TMTC2: variants seen among roughly 807,000 people sequenced by gnomAD.
TMTC2 encodes the protein transmembrane O-mannosyltransferase targeting cadherins 2.
TMTC2 carries 43 observed loss-of-function variants against 82.4 expected under a neutral mutation model. That is an observed-to-expected ratio of 0.52 (90% CI 0.41 to 0.67). TMTC2 has a LOEUF of 0.67. TMTC2 is among the 30% of genes least tolerant of loss of function. TMTC2 has a pLI of 0.00. For synonymous variants in TMTC2, 408 were observed against 381.9 expected (o/e 1.07, Z -0.80); for missense variants, 919 against 1,012.4 (o/e 0.91, Z 1.25).
intron 9 of TMTC2, among the ~76,000 whole-genome samples, chr12:83,040,575 A>G (rs1881849590): frequency 1.4e-5 from 2 of 146,044 alleles, no homozygotes; most frequent in African/African-American, 2.6e-5. Flanking sequence ...CTCAAAACCA[A>G]AGAATCAAGA....
At chr12:82,779,099 C>A (rs1877760571) in intron 1 of TMTC2, among the ~76,000 whole-genome samples, 1 of 150,688 alleles carries the variant, frequency 6.6e-6, no homozygotes, top group Non-Finnish European at 1.5e-5. Flanking sequence ...GCTCTCTGGG[C>A]AAACAATAGT....
At chr12:83,035,215 A>G (rs765490373) in intron 9 of TMTC2, among the ~76,000 whole-genome samples, 1 of 152,224 alleles carries the variant, frequency 6.6e-6, no homozygotes, top group Non-Finnish European at 1.5e-5. Context: ...AATGGTGATT[A>G]GAAGGCAATA....
intron 8 of TMTC2, among the ~76,000 whole-genome samples, chr12:83,028,068 G>A (rs534857519): frequency 6.6e-6 from 1 of 151,806 alleles, no homozygotes; most frequent in Non-Finnish European, 1.5e-5. Context: ...CAAATTCTTT[G>A]TATATTGCTT....
chr12:83,069,020 AC>A (rs1176736918), intron 11 of TMTC2, among the ~76,000 whole-genome samples: 1 of 152,108 alleles, frequency 6.6e-6, no homozygotes, highest in African/African-American at 2.4e-5. Context: ...CATCCAAGTC[AC>A]CGCAAATGCT....
At chr12:82,818,996 A>G (rs1681124254) in intron 1 of TMTC2, among the ~76,000 whole-genome samples, 1 of 152,016 alleles carries the variant, frequency 6.6e-6, no homozygotes, top group Non-Finnish European at 1.5e-5. Context: ...GACTACATTT[A>G]CAGTAGGTAC....
intron 8 of TMTC2, among the ~76,000 whole-genome samples, chr12:83,029,479 T>C (rs1259340581): frequency 1.3e-5 from 2 of 152,116 alleles, no homozygotes; most frequent in Non-Finnish European, 2.9e-5. Flanking sequence ...CTTTAGAAAA[T>C]TGGTCTTCAT....
intron 7 of TMTC2, among the ~76,000 whole-genome samples, chr12:82,971,364 T>G (rs1264069955): frequency 6.6e-6 from 1 of 152,132 alleles, no homozygotes; most frequent in Non-Finnish European, 1.5e-5. Context: ...CTATAAAGAA[T>G]GAAACAGCTG....
chr12:82,741,551 A>G (rs1463350058), intron 1 of TMTC2, among the ~76,000 whole-genome samples: 1 of 152,128 alleles, frequency 6.6e-6, no homozygotes, highest in Non-Finnish European at 1.5e-5. Flanking sequence ...CCTCATGATC[A>G]GCCCACCTTA....
chr12:82,792,782 C>T (rs371342945), intron 1 of TMTC2, among the ~76,000 whole-genome samples: 216 of 152,080 alleles, frequency 1.4e-3, no homozygotes, highest in African/African-American at 5.0e-3. Context: ...CTCGATGTTA[C>T]TTTACATTTT....
rs139737872 is a variant in TMTC2 at position 83,081,866 on chromosome 12, CTGT to C, written c.2331+20040_2331+20042del. On this transcript the variant is annotated intron_variant, in intron 11 of 11. Transcript: ENST00000321196. ...CCATCCTGGGCAATGTAACAAGACC[CTGT>C]TGTTACAAAAAATAAAAAAAATAGC... 5.9e-3 allele frequency among the ~76,000 whole-genome samples: 897 copies of C among 152,038 alleles called. 12 individuals carry two copies. The highest frequency in any genetic ancestry group is 0.021 in the African/African-American group (864 of 41,472).
At chr12:82,773,530 G>A (rs1186964261) in intron 1 of TMTC2, among the ~76,000 whole-genome samples, 3 of 150,484 alleles carry the variant, frequency 2.0e-5, no homozygotes, top group African/African-American at 7.4e-5. Context: ...GTGCGATCTC[G>A]GCTCACTGCA....
At position 83,133,077 on chromosome 12, in the gene TMTC2, A is replaced by G. The variant is rs1565900140; in HGVS notation, c.*688A>G. 1 of 152,022 alleles carries G rather than the reference A, an allele frequency of 6.6e-6. No homozygotes were observed. The highest frequency in any genetic ancestry group is 1.5e-5 in the Non-Finnish European group (1 of 68,008). 9.4% of individuals were successfully genotyped at this position (152,022 alleles called of 1,614,324 possible). On this transcript the variant is annotated 3_prime_UTR_variant, in exon 12 of 12. Coordinates refer to ENST00000321196, the MANE Select transcript of TMTC2 (RefSeq NM_152588.3). The stretch of plus-strand genomic sequence containing the variant: ...GAGAGTAGAGCTAACCATACTTCAC[A>G]CTCGAGTTGTATGAGGGACTGGGGA...
At chr12:83,109,482 A>G (rs1304908012) in intron 11 of TMTC2, among the ~76,000 whole-genome samples, 1 of 152,144 alleles carries the variant, frequency 6.6e-6, no homozygotes, top group Non-Finnish European at 1.5e-5. Context: ...GAAATATTTC[A>G]CTAAGTTTGG....
chr12:82,841,076 G>A lies in TMTC2; in HGVS notation c.84-15934G>A, dbSNP rs532494039. 2.1e-4 allele frequency among the ~76,000 whole-genome samples: 32 copies of A among 152,176 alleles called. 1 individual carries two copies. The highest frequency in any genetic ancestry group is 3.3e-4 in the Admixed American group (5 of 15,274). On this transcript the variant is annotated intron_variant, in intron 1 of 11. Coordinates refer to ENST00000321196, the MANE Select transcript of TMTC2 (RefSeq NM_152588.3). ...ATTACAGGTATGAGCCACTACACCT[G>A]GCCAAGATTTTACTGTTCTTAAAGG...
chr12:82,738,809 A>C (rs1371952573), intron 1 of TMTC2, among the ~76,000 whole-genome samples: 4 of 152,176 alleles, frequency 2.6e-5, no homozygotes, highest in Non-Finnish European at 5.9e-5. Context: ...GTGATGAAAA[A>C]AATTAGTAAA....
chr12:82,791,955 C>T (rs979744029), intron 1 of TMTC2, among the ~76,000 whole-genome samples: 1 of 152,152 alleles, frequency 6.6e-6, no homozygotes, highest in Non-Finnish European at 1.5e-5. Context: ...TTATCATTCT[C>T]AGAACATGAC....
chr12:82,884,471 C>T (rs928834029), intron 2 of TMTC2, among the ~76,000 whole-genome samples: 1 of 152,166 alleles, frequency 6.6e-6, no homozygotes, highest in African/African-American at 2.4e-5. Context: ...TAGAAGGTAG[C>T]AAGGCACTTA....
At chr12:82,803,650 G>A (rs1879112765) in intron 1 of TMTC2, among the ~76,000 whole-genome samples, 1 of 152,060 alleles carries the variant, frequency 6.6e-6, no homozygotes, top group South Asian at 2.1e-4. Context: ...CTTCGGTTGA[G>A]CATGCATACA....
At chr12:82,977,683 G>T (rs1186891348) in intron 7 of TMTC2, among the ~76,000 whole-genome samples, 1 of 151,656 alleles carries the variant, frequency 6.6e-6, no homozygotes, top group Non-Finnish European at 1.5e-5. Context: ...GTGTATAAAA[G>T]ATACTTTAAT....
Sources: gnomAD v4.1 joint callset for allele counts (sites outside exome capture counted in the v4.1 genomes callset) on GRCh38, gnomAD v4.1.1 for gene constraint, MANE v1.5 for transcripts, NCBI Gene and HGNC (gene_info 2026-07-23, HGNC 2026-07-21) for gene names.